Variants in FBXO22 observed in about 807,000 individuals in gnomAD.
FBXO22 encodes F-box only protein 22.
Under a neutral mutation model 37.2 loss-of-function variants are expected in FBXO22, and 13 were observed. The observed-to-expected ratio is 0.35, with a 90% CI of 0.23 to 0.56. The LOEUF is 0.56. Among genes scored for constraint, FBXO22 ranks in the 20% least tolerant of loss-of-function variants. FBXO22 has a pLI of 0.87. For missense variants in FBXO22, 446 were observed against 509.9 expected, an observed-to-expected ratio of 0.87 and a Z score of 1.21; for synonymous variants, 189 against 189.1, an observed-to-expected ratio of 1.00 and a Z score of 0.00.
In FBXO22 at chr15:75,934,322, T is replaced by G. The variant is rs1595921199; in HGVS notation, c.*1220T>G. ...GAAGGATCCTGGTCCCTGTACGACC[T>G]CATTGAAGAAACACCATAAGTGGCG... On this transcript the variant is annotated 3_prime_UTR_variant, in exon 7 of 7. Transcript: ENST00000308275. 1 of 152,390 alleles carries G rather than the reference T, an allele frequency of 6.6e-6. No homozygotes were observed. The highest frequency in any genetic ancestry group is 1.5e-5 in the Non-Finnish European group (1 of 68,094). The allele number at this position is 152,390 out of a possible 1,614,324, so 9.4% of individuals were successfully genotyped here. A position where few individuals can be genotyped will look rare whatever the true frequency, so the allele number is the denominator to read the frequency against.
intron 2 of FBXO22, among the ~76,000 whole-genome samples, chr15:75,906,507 T>C (rs913831446): frequency 6.8e-4 from 103 of 152,254 alleles, no homozygotes; most frequent in African/African-American, 2.4e-3. Context: ...GCAGGATGCT[T>C]TCTAGTTTTG....
At chr15:75,914,797 G>C (rs976190966) in intron 4 of FBXO22, among the ~76,000 whole-genome samples, 1 of 152,150 alleles carries the variant, frequency 6.6e-6, no homozygotes, top group African/African-American at 2.4e-5. Context: ...CTTAGTATCT[G>C]TATGACTTTG....
chr15:75,911,550 A>G (rs1900052450), intron 2 of FBXO22, among the ~76,000 whole-genome samples: 1 of 151,990 alleles, frequency 6.6e-6, no homozygotes, highest in Non-Finnish European at 1.5e-5. Context: ...TTCACTCATG[A>G]TTTGGCTTTC....
Position 75,932,940 on chromosome 15 carries a change from T to C in FBXO22, c.1050T>C (p.Pro350=), listed in dbSNP as rs567773739. The change falls in exon 7 of 7, where the codon CCT becomes CCC. Residue 350 remains proline, a synonymous_variant. Transcript: ENST00000308275. ...VEADAFRKFF[P]SVPLFGFFGN... ...CTGATGCATTTAGAAAGTTTTTTCC[T>C]AGTGTTCCCTTATTCGGCTTCTTTG... The C allele has an allele frequency of 2.5e-6, 4 of 1,614,256 alleles. No individual in the cohort carries two copies. Among genetic ancestry groups the C allele is most frequent in the Non-Finnish European group, 3.4e-6 (4 of 1,180,048 alleles).
intron 2 of FBXO22, among the ~76,000 whole-genome samples, chr15:75,909,125 C>T (rs572827267): frequency 1.2e-4 from 18 of 152,122 alleles, no homozygotes; most frequent in Admixed American, 4.6e-4. Flanking sequence ...TTTAATTCAG[C>T]TGCTTTGCCG....
chr15:75,911,074 A>G (rs1900041624), intron 2 of FBXO22, among the ~76,000 whole-genome samples: 1 of 152,178 alleles, frequency 6.6e-6, no homozygotes, highest in Non-Finnish European at 1.5e-5. Context: ...AGATCGTTGT[A>G]GATGTGTGGT....
chr15:75,930,532 C>G (rs2029976614), intron 6 of FBXO22: 1 of 987,334 alleles, frequency 1.0e-6, no homozygotes, highest in Non-Finnish European at 1.2e-6. Context: ...GAATGTCTTG[C>G]AAGTCGTACT....
chr15:75,930,889 A>C, intron 6 of FBXO22: 1 of 968,356 alleles, frequency 1.0e-6, no homozygotes, highest in Non-Finnish European at 1.2e-6. Context: ...AGAATAATGT[A>C]AGTCATCCTA....
At chr15:75,918,018 A>G in intron 5 of FBXO22, among the ~76,000 whole-genome samples, 1 of 152,178 alleles carries the variant, frequency 6.6e-6, no homozygotes, top group Admixed American at 6.5e-5. Context: ...AATATAGTAA[A>G]CAACAAACGA....
At chr15:75,909,926 T>C (rs1439703529) in intron 2 of FBXO22, among the ~76,000 whole-genome samples, 1 of 152,050 alleles carries the variant, frequency 6.6e-6, no homozygotes, top group Admixed American at 6.6e-5. Context: ...AATCTCCCAC[T>C]CCCTGACAGG....
chr15:75,928,128 G>A (rs529303987), intron 5 of FBXO22, among the ~76,000 whole-genome samples: 1 of 152,120 alleles, frequency 6.6e-6, no homozygotes, highest in South Asian at 2.1e-4. Context: ...TGGAGAAAAA[G>A]GAACACTTAT....
chr15:75,930,124 C>A, intron 6 of FBXO22, 75 bp downstream of exon 6: 1 of 1,600,774 alleles, frequency 6.2e-7, no homozygotes, highest in South Asian at 1.1e-5. Flanking sequence ...TTGGGGTTAA[C>A]AATTTAAAAA....
rs1488503297 is a variant in FBXO22, at chr15:75,936,289, A to G, written c.*3187A>G. 1.3e-5 allele frequency: 2 copies of G among 152,202 alleles called. No homozygotes were observed. Among genetic ancestry groups the G allele is most frequent in the Non-Finnish European group, 2.9e-5 (2 of 68,032 alleles). The allele number at this position is 152,202 out of a possible 1,614,324, so 9.4% of individuals were successfully genotyped here. A position where few individuals can be genotyped will look rare whatever the true frequency, so the allele number is the denominator to read the frequency against. On this transcript the variant is annotated 3_prime_UTR_variant, in exon 7 of 7. Coordinates refer to ENST00000308275, the MANE Select transcript of FBXO22 (RefSeq NM_147188.3). ...TGGTTTTCATTTGTAGAAACTGGGT[A>G]TGAGTTGGCTTAATGAAAATCCTAA...
chr15:75,913,973 A>C (rs776103816), intron 3 of FBXO22, 137 bp from the exon 4 acceptor site: 7 of 608,944 alleles, frequency 1.1e-5, no homozygotes, highest in Non-Finnish European at 2.0e-5. Context: ...GTTTTAATCA[A>C]TGCTTTTAGA....
At chr15:75,916,533 C>G (rs1900195759) in intron 4 of FBXO22, among the ~76,000 whole-genome samples, 1 of 152,174 alleles carries the variant, frequency 6.6e-6, no homozygotes. Context: ...TTAACTATCT[C>G]TTTAAAGGCC....
rs1170141268 is a variant in FBXO22 at position 75,936,027 on chromosome 15, TC to T, written c.*2927del. 6.6e-6 allele frequency: 1 copy of T among 152,146 alleles called. No individual in the cohort carries two copies. Among genetic ancestry groups the T allele is most frequent in the African/African-American group, 2.4e-5 (1 of 41,408 alleles). 9.4% of individuals were successfully genotyped at this position (152,146 alleles called of 1,614,324 possible). A position where few individuals can be genotyped will look rare whatever the true frequency, so the allele number is the denominator to read the frequency against. On this transcript the variant is annotated 3_prime_UTR_variant, in exon 7 of 7. Coordinates refer to ENST00000308275, the MANE Select transcript of FBXO22 (RefSeq NM_147188.3). The stretch of plus-strand genomic sequence containing the variant: ...TGGTCTCGATCTCCTGACCTTGTGA[TC>T]CGCCCGCCTCGGCCTCCCAAAGTGC...
intron 2 of FBXO22, among the ~76,000 whole-genome samples, chr15:75,910,697 C>T (rs1900033309): frequency 6.6e-6 from 1 of 151,982 alleles, no homozygotes; most frequent in African/African-American, 2.4e-5. Flanking sequence ...CAAAAATTTT[C>T]TCCCATTCTG....
Position 75,904,538 on chromosome 15 carries a change from A to C in FBXO22, c.188A>C (p.His63Pro). Residue 63 changes from histidine to proline, a missense_variant, in exon 2 of 7, where the codon CAT becomes CCT. This residue lies in a region of FBXO22 where 131 missense variants were observed against 99.8 expected (regional missense o/e 1.31). Coordinates refer to ENST00000308275, the MANE Select transcript of FBXO22 (RefSeq NM_147188.3). ...TGTGTGCGCAGAGTATTGCGGACCC[A>C]TCGGAGCGTAACCTGGATCTCCGCA... ...RECVRRVLRT[H>P]RSVTWISAGL... is the part of the protein sequence containing the mutation. 1 of 1,613,930 alleles carries C rather than the reference A, an allele frequency of 6.2e-7. No homozygotes were observed. The highest frequency in any genetic ancestry group is 8.5e-7 in the Non-Finnish European group (1 of 1,179,892).
intron 2 of FBXO22, among the ~76,000 whole-genome samples, chr15:75,912,652 TTCC>T (rs952760549): frequency 2.0e-5 from 3 of 152,212 alleles, no homozygotes; most frequent in Non-Finnish European, 4.4e-5. Flanking sequence ...GTTTGATTCT[TTCC>T]TCTTTTCTTT....
Sources: gnomAD v4.1 joint callset for allele counts (sites outside exome capture counted in the v4.1 genomes callset) on GRCh38, gnomAD v4.1.1 for gene constraint, gnomAD v4.1.1 regional missense constraint, MANE v1.5 for transcripts, NCBI Gene and HGNC (gene_info 2026-07-23, HGNC 2026-07-21) for gene names.